Variants in PPP2R2C observed in about 807,000 individuals in gnomAD.
The protein encoded by PPP2R2C is protein phosphatase 2 regulatory subunit Bgamma.
Under a neutral mutation model 45.3 loss-of-function variants are expected in PPP2R2C, and 10 were observed. The ratio of observed to expected loss-of-function variants is 0.22; its 90% CI spans 0.14 to 0.37. The LOEUF (loss-of-function observed/expected upper bound fraction) is 0.37. Among genes scored for constraint, PPP2R2C ranks in the 10% least tolerant of loss-of-function variants. PPP2R2C has a pLI of 1.00. For missense variants in PPP2R2C, 308 were observed against 619.7 expected (o/e 0.50, Z 5.34); for synonymous variants, 257 against 245.4 (o/e 1.05, Z -0.44).
At chr4:6,355,048 T>G (rs1374075851) in intron 5 of PPP2R2C, among the ~76,000 whole-genome samples, 1 of 152,246 alleles carries the variant, frequency 6.6e-6, no homozygotes, top group East Asian at 1.9e-4. Flanking sequence ...TTATAGATTT[T>G]CTGCTTTCTC....
chr4:6,513,677 A>G (rs560236174), intron 2 of PPP2R2C, among the ~76,000 whole-genome samples: 1 of 152,328 alleles, frequency 6.6e-6, no homozygotes, highest in Non-Finnish European at 1.5e-5. Flanking sequence ...CCAGTTCATT[A>G]AGGGCATCTG....
chr4:6,521,087 G>C (rs1724002766), intron 2 of PPP2R2C, among the ~76,000 whole-genome samples: 1 of 152,222 alleles, frequency 6.6e-6, no homozygotes, highest in Non-Finnish European at 1.5e-5. Flanking sequence ...GGTTCGAAAA[G>C]GCTAAGTAAC....
intron 2 of PPP2R2C, among the ~76,000 whole-genome samples, chr4:6,508,957 C>G (rs1487111011): frequency 6.6e-6 from 1 of 152,172 alleles, no homozygotes; most frequent in Non-Finnish European, 1.5e-5. Context: ...TCTTCCTGCT[C>G]TAAAACTTTT....
At chr4:6,404,684 T>C (rs6857081) in intron 1 of PPP2R2C, among the ~76,000 whole-genome samples, 92,211 of 151,938 alleles carry the variant, frequency 0.61, 28,399 homozygotes, top group East Asian at 0.86. Flanking sequence ...AGTTAACAGA[T>C]TCCAAGGGGG....
At chr4:6,535,056 G>A (rs1177735681) in intron 2 of PPP2R2C, among the ~76,000 whole-genome samples, 2 of 152,250 alleles carry the variant, frequency 1.3e-5, no homozygotes, top group Non-Finnish European at 2.9e-5. Flanking sequence ...GGGAGACAGG[G>A]GCGGCAATGG....
intron 1 of PPP2R2C, among the ~76,000 whole-genome samples, chr4:6,412,642 C>T (rs911159001): frequency 1.3e-5 from 2 of 152,188 alleles, no homozygotes; most frequent in African/African-American, 4.8e-5. Flanking sequence ...CTTATGAATC[C>T]GGCAGCACCC....
At chr4:6,353,450 C>T (rs1487693408) in intron 5 of PPP2R2C, among the ~76,000 whole-genome samples, 1 of 45,248 alleles carries the variant, frequency 2.2e-5, no homozygotes, top group Non-Finnish European at 4.4e-5. Context: ...CAGCCCCCAA[C>T]ACCCGACAGC....
In PPP2R2C at chr4:6,538,964, C is replaced by T. The variant is rs1425272688; in HGVS notation, c.-58-3587G>A. 2.0e-5 allele frequency among the ~76,000 whole-genome samples: 3 copies of T among 152,204 alleles called. No homozygotes were observed. The South Asian group carries it at 6.2e-4, about 32-fold the overall frequency. On this transcript the variant is annotated intron_variant, in intron 1 of 9. Coordinates refer to the PPP2R2C transcript ENST00000506140. ...TTTATTATACAGCTCAAACCTGCTT[C>T]TGACTTTCCACCAGGAAGGGCTAGA...
chr4:6,453,482 C>T (rs1004421945), intron 1 of PPP2R2C, among the ~76,000 whole-genome samples: 3 of 151,438 alleles, frequency 2.0e-5, no homozygotes, highest in African/African-American at 7.3e-5. Context: ...AAACTGCCCA[C>T]CCCACCCCAC....
intron 2 of PPP2R2C, among the ~76,000 whole-genome samples, chr4:6,527,248 C>G (rs1297029723): frequency 6.6e-6 from 1 of 152,216 alleles, no homozygotes; most frequent in Non-Finnish European, 1.5e-5. Context: ...GAGCGGGGAT[C>G]TGTCCCCTCT....
At chr4:6,390,192 G>A (rs1043682708) in intron 1 of PPP2R2C, among the ~76,000 whole-genome samples, 5 of 151,908 alleles carry the variant, frequency 3.3e-5, no homozygotes, top group African/African-American at 1.2e-4. Context: ...AGTGCCGGCT[G>A]CCCAGAGGGG....
At chr4:6,398,574 T>C (rs1398182586) in intron 1 of PPP2R2C, among the ~76,000 whole-genome samples, 2 of 151,594 alleles carry the variant, frequency 1.3e-5, no homozygotes, top group South Asian at 2.1e-4. Flanking sequence ...CCCATCAGAG[T>C]GGCGAACATT....
At chr4:6,372,779 C>A in intron 4 of PPP2R2C, 79 bp from the exon 5 acceptor site, 1 of 1,445,652 alleles carries the variant, frequency 6.9e-7, no homozygotes, top group East Asian at 2.3e-5. Context: ...AGCATGTGAT[C>A]CCAACCGGAG....
chr4:6,491,602 A>T (rs1442414563), intron 2 of PPP2R2C, among the ~76,000 whole-genome samples: 1 of 152,170 alleles, frequency 6.6e-6, no homozygotes, highest in Non-Finnish European at 1.5e-5. Context: ...CTATGTCCCC[A>T]CCCAAGTCTC....
intron 2 of PPP2R2C, among the ~76,000 whole-genome samples, chr4:6,521,095 A>T (rs897081760): frequency 6.6e-6 from 1 of 152,220 alleles, no homozygotes; most frequent in Non-Finnish European, 1.5e-5. Flanking sequence ...AAGGCTAAGT[A>T]ACCAGCCTGA....
chr4:6,388,937 C>T (rs1716414998), intron 1 of PPP2R2C, among the ~76,000 whole-genome samples: 1 of 152,138 alleles, frequency 6.6e-6, no homozygotes, highest in Admixed American at 6.5e-5. Context: ...AGGCTCCAGC[C>T]CCCGAGAACT....
chr4:6,562,463 G>A (rs1344249793), intron 1 of PPP2R2C, among the ~76,000 whole-genome samples: 1 of 46,802 alleles, frequency 2.1e-5, no homozygotes, highest in Non-Finnish European at 7.6e-5. Context: ...AGGATTCAAC[G>A]GAGTCGGGGG....
intron 1 of PPP2R2C, among the ~76,000 whole-genome samples, chr4:6,539,162 C>T (rs542558303): frequency 2.9e-4 from 43 of 148,414 alleles, no homozygotes; most frequent in Non-Finnish European, 4.6e-4. Context: ...AGAGAGAGGG[C>T]GGAAATTTGG....
At chr4:6,439,245 T>A (rs1329327916) in intron 1 of PPP2R2C, among the ~76,000 whole-genome samples, 1 of 152,198 alleles carries the variant, frequency 6.6e-6, no homozygotes, top group Non-Finnish European at 1.5e-5. Flanking sequence ...GACTAATTAC[T>A]CTAGTCTGAA....
Sources: gnomAD v4.1 joint callset for allele counts (sites outside exome capture counted in the v4.1 genomes callset) on GRCh38, gnomAD v4.1.1 for gene constraint, MANE v1.5 for transcripts, NCBI Gene and HGNC (gene_info 2026-07-23, HGNC 2026-07-21) for gene names.